SLTM: variants seen among roughly 807,000 people sequenced by gnomAD.
The protein encoded by SLTM is SAFB-like transcription modulator.
SLTM carries 43 observed loss-of-function variants against 134.6 expected under a neutral mutation model. The ratio of observed to expected loss-of-function variants is 0.32; its 90% CI spans 0.25 to 0.41. The LOEUF is 0.41. SLTM is among the 10% of genes least tolerant of loss of function. The pLI is 1.00. For missense variants in SLTM, 1,055 were observed against 1,288.8 expected (o/e 0.82, Z 2.78); for synonymous variants, 424 against 432.3 (o/e 0.98, Z 0.24).
intron 1 of SLTM, 143 bp downstream of exon 1, chr15:58,933,261 C>T: frequency 1.2e-6 from 1 of 828,642 alleles, no homozygotes. Flanking sequence ...TCCACGCTCG[C>T]GGGAGCCGCC....
chr15:58,880,505 A>T (rs2033607821), intron 20 of SLTM, among the ~76,000 whole-genome samples: 1 of 152,104 alleles, frequency 6.6e-6, no homozygotes, highest in Admixed American at 6.6e-5. Context: ...ACCACAGAGA[A>T]AGAAACTGAG....
intron 9 of SLTM, among the ~76,000 whole-genome samples, chr15:58,895,004 C>T (rs1274116948): frequency 6.6e-6 from 1 of 152,164 alleles, no homozygotes; most frequent in Non-Finnish European, 1.5e-5. Context: ...TGCAGCCAGC[C>T]TATTTCATAT....
At chr15:58,880,959 C>A (rs2033648962) in intron 20 of SLTM, among the ~76,000 whole-genome samples, 1 of 152,198 alleles carries the variant, frequency 6.6e-6, no homozygotes, top group East Asian at 1.9e-4. Flanking sequence ...TTTCTGGAAT[C>A]TTTATGTGTA....
chr15:58,925,486 C>G (rs554498396), intron 2 of SLTM, among the ~76,000 whole-genome samples: 1 of 152,168 alleles, frequency 6.6e-6, no homozygotes, highest in African/African-American at 2.4e-5. Context: ...TACACGTGCC[C>G]AACACCATGC....
At chr15:58,928,437 A>G (rs1161920929) in intron 2 of SLTM, among the ~76,000 whole-genome samples, 2 of 152,190 alleles carry the variant, frequency 1.3e-5, no homozygotes, top group Non-Finnish European at 2.9e-5. Context: ...CAGGAAAGCC[A>G]TTCTAAGATA....
chr15:58,907,295 G>A (rs953997524), intron 5 of SLTM, among the ~76,000 whole-genome samples: 29 of 152,144 alleles, frequency 1.9e-4, no homozygotes, highest in African/African-American at 6.5e-4. Flanking sequence ...AGACTGAAGA[G>A]GTTCTTGAAA....
rs746951125 is a variant in SLTM at position 58,894,493 on chromosome 15, G to T, written c.1317C>A (p.Ser439=). The stretch of plus-strand genomic sequence containing the variant: ...TGCGATGAAGATGTGCAATACACCT[G>T]GACACCTCTGTGCTTGAAGACATAG... The part of the protein sequence containing the change: ...IVTMSSSTEV[S]RCIAHLHRTE... Residue 439 remains serine, a synonymous_variant, in exon 10 of 21, where the codon TCC becomes TCA. Coordinates refer to ENST00000380516, the MANE Select transcript of SLTM (RefSeq NM_024755.4). 1.2e-6 allele frequency: 2 copies of T among 1,614,032 alleles called. No individual in the cohort carries two copies. The highest frequency in any genetic ancestry group is 1.7e-6 in the Non-Finnish European group (2 of 1,179,982).
chr15:58,887,188 T>C (rs374236769), intron 18 of SLTM, 38 bp downstream of exon 18: 2 of 1,612,000 alleles, frequency 1.2e-6, no homozygotes, highest in Non-Finnish European at 1.7e-6. Flanking sequence ...CCCCAATGCA[T>C]GAGACCACTA....
At chr15:58,882,968 ATT>A (rs1266616217) in intron 20 of SLTM, among the ~76,000 whole-genome samples, 4 of 152,228 alleles carry the variant, frequency 2.6e-5, no homozygotes, top group African/African-American at 4.8e-5. Flanking sequence ...CTTCCTAAGA[ATT>A]TGAGGAATGC....
rs550414514 is a variant in SLTM at position 58,933,615 on chromosome 15, G to A, written c.-50C>T. The A allele has an allele frequency of 8.2e-5, 123 of 1,493,290 alleles. No individual in the cohort carries two copies. The East Asian group carries it at 9.0e-4, about 11-fold the overall frequency. 92.5% of individuals were successfully genotyped at this position (1,493,290 alleles called of 1,614,324 possible). ...GGCAGCGAGTGGGCTGCAGGGCGGCGGCAGCAGCGCCAACTTCCACCCAGG... is the reference window on the plus strand; with the variant it reads ...GGCAGCGAGTGGGCTGCAGGGCGGCAGCAGCAGCGCCAACTTCCACCCAGG... On this transcript the variant is annotated 5_prime_UTR_variant, in exon 1 of 21. Coordinates refer to ENST00000380516, the MANE Select transcript of SLTM (RefSeq NM_024755.4).
At chr15:58,894,377 GT>G in intron 10 of SLTM, 55 bp downstream of exon 10, 2 of 1,598,252 alleles carry the variant, frequency 1.3e-6, no homozygotes, top group Admixed American at 3.4e-5. Context: ...ACAGCTATGA[GT>G]TGAGAACTAG....
At chr15:58,898,930 T>C in intron 7 of SLTM, 78 bp from the exon 8 acceptor site, 2 of 1,071,202 alleles carry the variant, frequency 1.9e-6, no homozygotes, top group Non-Finnish European at 2.8e-6. Context: ...TGATATTTAC[T>C]ATATTTCAAA....
Position 58,887,039 on chromosome 15 carries a change from G to A in SLTM, c.2771C>T (p.Ala924Val). ...RGAPPGNRSS[A>V]SGYGSREGDR... ...TCCCTCTCTGCTCCCGTACCCCGAA[G>A]CGCTGCTACGATTCCCAGGGGGAGC... is the stretch of plus-strand genomic sequence containing the variant. The change falls in exon 19 of 21, where the codon GCT becomes GTT. Residue 924 changes from alanine (A) to valine (V), a missense_variant. Physicochemically the swap from Ala to Val is moderately conservative, Grantham distance 64. Coordinates refer to ENST00000380516, the MANE Select transcript of SLTM (RefSeq NM_024755.4). 6.2e-7 allele frequency: 1 copy of A among 1,613,560 alleles called. No individual in the cohort carries two copies. Among genetic ancestry groups the A allele is most frequent in the Non-Finnish European group, 8.5e-7 (1 of 1,180,020 alleles).
chr15:58,903,905 T>C (rs2035677118), intron 5 of SLTM, among the ~76,000 whole-genome samples: 1 of 152,238 alleles, frequency 6.6e-6, no homozygotes, highest in Non-Finnish European at 1.5e-5. Context: ...TATAAAAGCA[T>C]GCACTTCTTA....
At chr15:58,889,838 A>C in intron 15 of SLTM, 1 of 386,404 alleles carries the variant, frequency 2.6e-6, no homozygotes, top group South Asian at 3.4e-5. Context: ...AAAGGGAATT[A>C]GAAATAGCAT....
At chr15:58,889,600 CATAAG>C (rs761274944) in intron 15 of SLTM, 46 bp from the exon 16 acceptor site, 9 of 1,609,304 alleles carry the variant, frequency 5.6e-6, no homozygotes, top group East Asian at 4.5e-5. Flanking sequence ...AAAATGAAAA[CATAAG>C]ATAAGTATAC....
At chr15:58,894,039 C>CA (rs775903634) in intron 11 of SLTM, 51 bp downstream of exon 11, 4 of 1,599,770 alleles carry the variant, frequency 2.5e-6, no homozygotes, top group Non-Finnish European at 2.6e-6. Flanking sequence ...CATAATGTAC[C>CA]AAAAAAGTCT....
intron 3 of SLTM, among the ~76,000 whole-genome samples, chr15:58,916,045 C>A (rs1364899809): frequency 6.6e-6 from 1 of 152,096 alleles, no homozygotes; most frequent in Non-Finnish European, 1.5e-5. Flanking sequence ...ACTGCCACAA[C>A]CCCAATTAAA....
intron 1 of SLTM, 70 bp downstream of exon 1, chr15:58,933,334 C>G (rs1022750175): frequency 2.2e-4 from 329 of 1,471,104 alleles, no homozygotes; most frequent in Non-Finnish European, 2.9e-4. Flanking sequence ...GAGGCTGCGG[C>G]GGAAGCGGGG....
Sources: gnomAD v4.1 joint callset for allele counts (sites outside exome capture counted in the v4.1 genomes callset) on GRCh38, gnomAD v4.1.1 for gene constraint, MANE v1.5 for transcripts, NCBI Gene and HGNC (gene_info 2026-07-23, HGNC 2026-07-21) for gene names.